LTV1: variants seen among roughly 807,000 people sequenced by gnomAD.
LTV1 encodes the protein LTV1 ribosome biogenesis factor.
In LTV1, 39 loss-of-function variants were observed where a neutral mutation model predicts 59.9. That is an observed-to-expected ratio of 0.65 (90% CI 0.50 to 0.85). The LOEUF is 0.85. LTV1 is among the 40% of genes least tolerant of loss of function. The pLI, the probability that LTV1 is intolerant of heterozygous loss-of-function variation, is 0.00. For synonymous variants in LTV1, 171 were observed against 189.5 expected, an observed-to-expected ratio of 0.90 and a Z score of 0.80; for missense variants, 493 against 549.1, an observed-to-expected ratio of 0.90 and a Z score of 1.02.
intron 3 of LTV1, among the ~76,000 whole-genome samples, chr6:143,846,566 A>G (rs1776894629): frequency 6.6e-6 from 1 of 152,222 alleles, no homozygotes; most frequent in African/African-American, 2.4e-5. Flanking sequence ...CTCTTGTTCT[A>G]AGATAGGACT....
chr6:143,862,045 TATA>T lies in LTV1; in HGVS notation c.924-52_924-50del, dbSNP rs1777172955. ...AAAAATTGCAGTTTTAGTGACATAG[TATA>T]ATAATAGGTCATTTTTCCCCCTCTT... On this transcript the variant is annotated intron_variant, in intron 7 of 10. Coordinates refer to ENST00000367576, the MANE Select transcript of LTV1 (RefSeq NM_032860.5). This position sits in a 1 kb window ranked among gnomAD's most constrained non-coding sequence, Gnocchi z 4.2. 1 of 1,560,854 alleles carries T rather than the reference TATA, an allele frequency of 6.4e-7. No individual in the cohort carries two copies. Among genetic ancestry groups the T allele is most frequent in the South Asian group, 1.2e-5 (1 of 84,060 alleles).
In LTV1 at chr6:143,844,621, G is replaced by A. The variant is rs766421943; in HGVS notation, c.135+4G>A. On this transcript the variant is annotated splice_donor_region_variant and intron_variant, in intron 2 of 10. Transcript: ENST00000367576. ...GGTTCTATTGCCCACACAAAAAGTA[G>A]GTCCTGTTCTTTAGCCAGTCAGTTT... 1 of 1,609,608 alleles carries A rather than the reference G, an allele frequency of 6.2e-7. No individual in the cohort carries two copies. The highest frequency in any genetic ancestry group is 1.1e-5 in the South Asian group (1 of 89,818).
In LTV1 at chr6:143,846,083, G is replaced by A. The variant is rs1399069536; in HGVS notation, c.168G>A (p.Arg56=). 6.2e-7 allele frequency: 1 copy of A among 1,614,212 alleles called. No individual in the cohort carries two copies. Among genetic ancestry groups the A allele is most frequent in the Non-Finnish European group, 8.5e-7 (1 of 1,180,032 alleles). The stretch of plus-strand genomic sequence containing the variant: ...ATGAAGAAAGGCGAGCAGAACAGAG[G>A]AAGTATGGAGTGTTCTTTGATGACG... ...IDNEERRAEQ[R]KYGVFFDDDY... Residue 56 remains arginine (R), a synonymous_variant, in exon 3 of 11, where the codon AGG becomes AGA. Coordinates refer to ENST00000367576, the MANE Select transcript of LTV1 (RefSeq NM_032860.5).
At chr6:143,847,882 A>G (rs1281157319) in intron 3 of LTV1, among the ~76,000 whole-genome samples, 1 of 152,220 alleles carries the variant, frequency 6.6e-6, no homozygotes, top group Non-Finnish European at 1.5e-5. Context: ...ACACCACCAA[A>G]TTCGAGTAGA....
intron 1 of LTV1, 106 bp downstream of exon 1, chr6:143,843,586 A>G (rs1329508021): frequency 1.4e-6 from 2 of 1,451,508 alleles, no homozygotes; most frequent in African/African-American, 1.4e-5. Context: ...GGGTCATGCC[A>G]GAGGCTGCTT....
chr6:143,853,859 T>C (rs1458465101), intron 4 of LTV1, among the ~76,000 whole-genome samples: 1 of 152,228 alleles, frequency 6.6e-6, no homozygotes, highest in Non-Finnish European at 1.5e-5. Flanking sequence ...TTGCCAGTTT[T>C]TTATTGACGA....
At chr6:143,853,897 T>G (rs1777031042) in intron 4 of LTV1, among the ~76,000 whole-genome samples, 1 of 152,250 alleles carries the variant, frequency 6.6e-6, no homozygotes. Flanking sequence ...ATCAGGGATA[T>G]TGGCCTGAAA....
At chr6:143,859,460 CA>C (rs1353721463) in intron 6 of LTV1, among the ~76,000 whole-genome samples, 4 of 152,148 alleles carry the variant, frequency 2.6e-5, no homozygotes, top group African/African-American at 9.7e-5. Context: ...CGGATACATC[CA>C]AAAGCCTAAA....
rs1438343285 is a variant in LTV1, at chr6:143,855,297, G to A, written c.398-2006G>A. Among the ~76,000 whole-genome samples, 1 of 152,010 alleles carries A rather than the reference G, an allele frequency of 6.6e-6. No homozygotes were observed. Among genetic ancestry groups the A allele is most frequent in the Non-Finnish European group, 1.5e-5 (1 of 67,992 alleles). On this transcript the variant is annotated intron_variant, in intron 4 of 10. Coordinates refer to ENST00000367576, the MANE Select transcript of LTV1 (RefSeq NM_032860.5). This position sits in a 1 kb window ranked among gnomAD's most constrained non-coding sequence, Gnocchi z 4.6. ...TGCTGTTTTTGCTTTCCATTTGCTT[G>A]GTAAATATCCTCCATTCCTTTATTT... is the stretch of plus-strand genomic sequence containing the variant.
At position 143,858,023 on chromosome 6, in the gene LTV1, A is replaced by G; in HGVS notation, c.795+16A>G. On this transcript the variant is annotated intron_variant, in intron 6 of 10. Transcript: ENST00000367576. The stretch of plus-strand genomic sequence containing the variant: ...GTTTGAGAAGGTAAGGTCCCCACAT[A>G]AGGGATGCTTTAGTACTATCTTATG... 6.2e-7 allele frequency: 1 copy of G among 1,613,424 alleles called. No homozygotes were observed. Among genetic ancestry groups the G allele is most frequent in the African/African-American group, 1.3e-5 (1 of 74,988 alleles).
chr6:143,862,848 A>G lies in LTV1; in HGVS notation c.1068A>G (p.Thr356=), dbSNP rs937531774. 5.1e-6 allele frequency: 8 copies of G among 1,565,206 alleles called. No homozygotes were observed. The highest frequency in any genetic ancestry group is 4.1e-5 in the African/African-American group (3 of 73,760). ...GACTTTTATTTGTTTGTTTAGGTAC[A>G]TACTCAAATTTATATAACCATCCAC... ...EKWDCESICS[T]YSNLYNHPQL... Residue 356 remains threonine, a synonymous_variant, in exon 9 of 11, where the codon ACA becomes ACG. Transcript: ENST00000367576. This position sits in a 1 kb window ranked among gnomAD's most constrained non-coding sequence, Gnocchi z 4.2.
chr6:143,855,605 G>C lies in LTV1; in HGVS notation c.398-1698G>C, dbSNP rs1033553440. 1.3e-5 allele frequency among the ~76,000 whole-genome samples: 2 copies of C among 152,084 alleles called. No individual in the cohort carries two copies. Among genetic ancestry groups the C allele is most frequent in the African/African-American group, 4.8e-5 (2 of 41,402 alleles). On this transcript the variant is annotated intron_variant, in intron 4 of 10. Coordinates refer to ENST00000367576, the MANE Select transcript of LTV1 (RefSeq NM_032860.5). The surrounding 1 kb of genome is among the most constrained non-coding windows in gnomAD (Gnocchi z 4.6). Reference sequence around the variant, plus strand: ...CCAGTTTTTCCTTTCCATATTTAGTGCTTCCTTCAGGAGCTCTTGTAAGGC... The same window carrying C: ...CCAGTTTTTCCTTTCCATATTTAGTCCTTCCTTCAGGAGCTCTTGTAAGGC...
At position 143,857,554 on chromosome 6, in the gene LTV1, C is replaced by G. The variant is rs1777097577; in HGVS notation, c.539+110C>G. 8.8e-7 allele frequency: 1 copy of G among 1,138,414 alleles called. No homozygotes were observed. The highest frequency in any genetic ancestry group is 1.3e-6 in the Non-Finnish European group (1 of 781,494). The allele number at this position is 1,138,414 out of a possible 1,614,324, so 70.5% of individuals were successfully genotyped here. ...GAAGAGACCTTCAAGAGCATTTAAT[C>G]TGAGACTTCTGTATTTTAGAGCAGA... is the stretch of plus-strand genomic sequence containing the variant. On this transcript the variant is annotated intron_variant, in intron 5 of 10. Coordinates refer to ENST00000367576, the MANE Select transcript of LTV1 (RefSeq NM_032860.5). This position sits in a 1 kb window ranked among gnomAD's most constrained non-coding sequence, Gnocchi z 5.2.
chr6:143,848,349 G>A (rs1776927507), intron 3 of LTV1, among the ~76,000 whole-genome samples: 1 of 152,220 alleles, frequency 6.6e-6, no homozygotes, highest in Non-Finnish European at 1.5e-5. Context: ...TGTGAATGAT[G>A]TCTTAGTAAA....
rs115627002 is a variant in LTV1 at position 143,850,420 on chromosome 6, T to A, written c.397+202T>A. 6.4e-3 allele frequency among the ~76,000 whole-genome samples: 971 copies of A among 152,312 alleles called. 17 individuals are homozygous for A. The highest frequency in any genetic ancestry group is 0.022 in the African/African-American group (922 of 41,562). ...CCATCAAATCTTTATATCTTTTGAG[T>A]TCCTGTTTGGAGAGGAAAGTGGGGA... is the stretch of plus-strand genomic sequence containing the variant. On this transcript the variant is annotated intron_variant, in intron 4 of 10. Coordinates refer to ENST00000367576, the MANE Select transcript of LTV1 (RefSeq NM_032860.5).
intron 4 of LTV1, among the ~76,000 whole-genome samples, chr6:143,851,492 G>C (rs935599666): frequency 1.3e-5 from 2 of 152,140 alleles, no homozygotes; most frequent in African/African-American, 4.8e-5. Context: ...AATTATGCTA[G>C]ACAAAGTTAA....
intron 4 of LTV1, among the ~76,000 whole-genome samples, chr6:143,856,511 G>A (rs1031585286): frequency 6.6e-6 from 1 of 152,162 alleles, no homozygotes; most frequent in African/African-American, 2.4e-5. Flanking sequence ...GAAGAGAAGA[G>A]GCATTCTGGT....
Position 143,859,253 on chromosome 6 carries a change from T to G in LTV1, c.796-1173T>G, listed in dbSNP as rs1270100245. ...TTTGGTTCTGTTGTAACAGATTAGCTCCAGGGTTTATAATCCCAACCTATA... is the reference window on the plus strand; with the variant it reads ...TTTGGTTCTGTTGTAACAGATTAGCGCCAGGGTTTATAATCCCAACCTATA... On this transcript the variant is annotated intron_variant, in intron 6 of 10. Transcript: ENST00000367576. 2.0e-5 allele frequency among the ~76,000 whole-genome samples: 3 copies of G among 152,222 alleles called. No homozygotes were observed. The South Asian group carries it at 6.2e-4, about 32-fold the overall frequency.
At position 143,857,504 on chromosome 6, in the gene LTV1, TG is replaced by T. The variant is rs1353587962; in HGVS notation, c.539+62del. 2 of 1,448,752 alleles carry T rather than the reference TG, an allele frequency of 1.4e-6. No individual in the cohort carries two copies. Among genetic ancestry groups the T allele is most frequent in the Non-Finnish European group, 1.9e-6 (2 of 1,034,628 alleles). The allele number at this position is 1,448,752 out of a possible 1,614,324, so 89.7% of individuals were successfully genotyped here. ...CCTAAGTGTTACTGCTTCAGTGGGA[TG>T]GTAACCATAGAACGTTACAGTTGGA... On this transcript the variant is annotated intron_variant, in intron 5 of 10. Coordinates refer to ENST00000367576, the MANE Select transcript of LTV1 (RefSeq NM_032860.5). This position sits in a 1 kb window ranked among gnomAD's most constrained non-coding sequence, Gnocchi z 5.2.
Sources: allele counts gnomAD v4.1 joint callset (sites outside exome capture counted in the v4.1 genomes callset), GRCh38; gene constraint gnomAD v4.1.1; non-coding constraint Gnocchi (gnomAD v3.1); transcripts MANE v1.5; gene names NCBI Gene and HGNC (gene_info 2026-07-23, HGNC 2026-07-21).